Variants in ALK observed in about 807,000 individuals in gnomAD.
The protein encoded by ALK is ALK receptor tyrosine kinase, also known as ALK tyrosine kinase receptor.
Under a neutral mutation model 163.1 loss-of-function variants are expected in ALK, and 74 were observed. That is an observed-to-expected ratio of 0.45 (90% CI 0.38 to 0.55). ALK has a LOEUF of 0.55. Ranked by LOEUF, ALK falls within the 20% of genes least tolerant of loss-of-function variation. The probability of loss-of-function intolerance (pLI) is 0.00; values close to 1 mark genes in which losing one functional copy is unlikely to be tolerated. For synonymous variants in ALK, 960 were observed against 843.2 expected (o/e 1.14, Z -2.40); for missense variants, 2,063 against 2,105.3 (o/e 0.98, Z 0.39).
intron 3 of ALK, among the ~76,000 whole-genome samples, chr2:29,651,050 T>G (rs1406800185): frequency 6.6e-6 from 1 of 152,086 alleles, no homozygotes; most frequent in East Asian, 1.9e-4. Context: ...AGGGAGTGTG[T>G]GGCAGACACA....
At chr2:29,713,604 T>C (rs1679167554) in intron 2 of ALK, among the ~76,000 whole-genome samples, 1 of 152,172 alleles carries the variant, frequency 6.6e-6, no homozygotes, top group Admixed American at 6.5e-5. Flanking sequence ...GGAAAGCTCA[T>C]CTTTGAAATA....
chr2:29,826,000 T>C (rs930495669), intron 1 of ALK, among the ~76,000 whole-genome samples: 6 of 152,076 alleles, frequency 3.9e-5, no homozygotes, highest in African/African-American at 1.4e-4. Context: ...TGACATGGTC[T>C]TGTGACTCTC....
intron 1 of ALK, among the ~76,000 whole-genome samples, chr2:29,856,865 T>A (rs150238089): frequency 6.6e-6 from 1 of 152,208 alleles, no homozygotes; most frequent in Non-Finnish European, 1.5e-5. Context: ...GGGCGCTGAA[T>A]TGGATGACCT....
chr2:29,461,838 T>C (rs775234341), intron 4 of ALK, among the ~76,000 whole-genome samples: 2 of 152,176 alleles, frequency 1.3e-5, no homozygotes, highest in African/African-American at 4.8e-5. Flanking sequence ...GTGCCATAGA[T>C]AGTGATTCCT....
chr2:29,736,213 GA>G (rs1163053085), intron 1 of ALK, among the ~76,000 whole-genome samples: 5 of 151,998 alleles, frequency 3.3e-5, no homozygotes, highest in African/African-American at 1.2e-4. Context: ...TATATGCTTG[GA>G]AAATTACATA....
At chr2:29,864,582 G>A (rs1450588306) in intron 1 of ALK, among the ~76,000 whole-genome samples, 2 of 152,110 alleles carry the variant, frequency 1.3e-5, no homozygotes, top group African/African-American at 4.8e-5. Context: ...TACAGTGTCT[G>A]GCACATAGTC....
At chr2:29,296,861 G>C in intron 9 of ALK, 27 bp downstream of exon 9, 1 of 1,613,904 alleles carries the variant, frequency 6.2e-7, no homozygotes, top group South Asian at 1.1e-5. Context: ...GAGGAGAAGG[G>C]TATTGGGGGA....
intron 4 of ALK, among the ~76,000 whole-genome samples, chr2:29,486,221 G>A (rs1671773760): frequency 1.3e-5 from 2 of 151,836 alleles, no homozygotes; most frequent in Non-Finnish European, 2.9e-5. Context: ...AATGGCCTAG[G>A]CACAGTTGCC....
At chr2:29,213,939 G>T (rs1426808862) in intron 24 of ALK, 45 bp downstream of exon 24, 1 of 1,532,582 alleles carries the variant, frequency 6.5e-7, no homozygotes, top group Non-Finnish European at 9.0e-7. Flanking sequence ...GAAGCACACA[G>T]ATCAGCGACA....
At chr2:29,461,750 C>T (rs1671088704) in intron 4 of ALK, among the ~76,000 whole-genome samples, 1 of 152,130 alleles carries the variant, frequency 6.6e-6, no homozygotes, top group African/African-American at 2.4e-5. Context: ...ACACAACATC[C>T]ATTTTGCAGC....
chr2:29,379,041 A>AAGCT (rs1231760500), intron 5 of ALK, among the ~76,000 whole-genome samples: 1 of 152,084 alleles, frequency 6.6e-6, no homozygotes. Context: ...CCCTTTCAAG[A>AAGCT]AGCTAGTCTT....
At chr2:29,822,075 C>T (rs983870769) in intron 1 of ALK, among the ~76,000 whole-genome samples, 3 of 152,168 alleles carry the variant, frequency 2.0e-5, no homozygotes, top group African/African-American at 7.2e-5. Flanking sequence ...TTCTATTGTC[C>T]TTTTCCCTAA....
chr2:29,461,806 A>T (rs964743885), intron 4 of ALK, among the ~76,000 whole-genome samples: 1 of 152,156 alleles, frequency 6.6e-6, no homozygotes, highest in Admixed American at 6.5e-5. Flanking sequence ...ATTATTTAAT[A>T]AATGCATTCG....
At chr2:29,478,611 A>G (rs1389283062) in intron 4 of ALK, among the ~76,000 whole-genome samples, 4 of 152,252 alleles carry the variant, frequency 2.6e-5, no homozygotes, top group Non-Finnish European at 2.9e-5. Context: ...CTGACGAGGA[A>G]TAAGTCATAC....
intron 3 of ALK, among the ~76,000 whole-genome samples, chr2:29,567,686 C>T (rs1385545169): frequency 1.3e-5 from 2 of 152,196 alleles, no homozygotes; most frequent in South Asian, 2.1e-4. Context: ...TGCGTCTGGC[C>T]ACGTTTCCAC....
intron 1 of ALK, among the ~76,000 whole-genome samples, chr2:29,849,877 T>C (rs1359227474): frequency 6.6e-6 from 1 of 152,118 alleles, no homozygotes; most frequent in Non-Finnish European, 1.5e-5. Context: ...ATCCCTCCAA[T>C]CTCGTGGTGC....
intron 1 of ALK, among the ~76,000 whole-genome samples, chr2:29,815,310 T>C (rs994440174): frequency 2.0e-5 from 3 of 152,012 alleles, no homozygotes; most frequent in African/African-American, 7.3e-5. Flanking sequence ...GGAAAGATTT[T>C]ATACAGTCAC....
rs574013009 is a variant in ALK, at chr2:29,884,300, G to C, written c.667+35693C>G. Among the ~76,000 whole-genome samples the C allele has an allele frequency of 1.6e-4, 24 of 152,098 alleles. No individual in the cohort carries two copies. The South Asian group carries it at 4.2e-3, about 26-fold the overall frequency. On this transcript the variant is annotated intron_variant, in intron 1 of 28. Coordinates refer to ENST00000389048, the MANE Select transcript of ALK (RefSeq NM_004304.5). Reference sequence around the variant, plus strand: ...ACTGTAAACCTTTAATAACACCATGGGACCCATACAAAGTGACAGTAGTGA... The same window carrying C: ...ACTGTAAACCTTTAATAACACCATGCGACCCATACAAAGTGACAGTAGTGA...
chr2:29,825,614 G>T (rs1194623902), intron 1 of ALK, among the ~76,000 whole-genome samples: 1 of 152,180 alleles, frequency 6.6e-6, no homozygotes, highest in Non-Finnish European at 1.5e-5. Flanking sequence ...CCAGATTAAG[G>T]ATGATGACTT....
Sources: gnomAD v4.1 joint callset for allele counts (sites outside exome capture counted in the v4.1 genomes callset) on GRCh38, gnomAD v4.1.1 for gene constraint, MANE v1.5 for transcripts, NCBI Gene and HGNC (gene_info 2026-07-23, HGNC 2026-07-21) for gene names.